Variants in PDE4B observed in about 807,000 individuals in gnomAD.
PDE4B encodes phosphodiesterase 4B.
A neutral mutation model predicts 82.2 loss-of-function variants in PDE4B; 20 were observed. The ratio of observed to expected loss-of-function variants is 0.24; its 90% CI spans 0.17 to 0.35. The LOEUF (loss-of-function observed/expected upper bound fraction) is 0.35, where lower values mean the gene tolerates loss of function less well. Among genes scored for constraint, PDE4B ranks in the 10% least tolerant of loss-of-function variants. The probability of loss-of-function intolerance (pLI) is 1.00; values close to 1 mark genes in which losing one functional copy is unlikely to be tolerated. For missense variants in PDE4B, 655 were observed against 907.2 expected (o/e 0.72, Z 3.57); for synonymous variants, 320 against 318.9 (o/e 1.00, Z -0.04).
At chr1:66,316,823 A>T (rs921774785) in intron 7 of PDE4B, among the ~76,000 whole-genome samples, 1 of 152,240 alleles carries the variant, frequency 6.6e-6, no homozygotes, top group African/African-American at 2.4e-5. Context: ...AGAGGGAGAA[A>T]TGCCAAGAAA....
At chr1:66,190,460 C>G (rs1483647899) in intron 3 of PDE4B, among the ~76,000 whole-genome samples, 1 of 152,212 alleles carries the variant, frequency 6.6e-6, no homozygotes. Context: ...GGCAGGCCTC[C>G]TTGAGCTGTG....
At position 65,840,629 on chromosome 1, in the gene PDE4B, A is replaced by G. The variant is rs139698596; in HGVS notation, c.-71+47381A>G. On this transcript the variant is annotated intron_variant, in intron 1 of 16. Coordinates refer to ENST00000341517, the MANE Select transcript of PDE4B (RefSeq NM_002600.4). ...TGCGAGCTATTTAAGGGCATGAGCCATCTCTTATGTTATTTTGGTTAAATA... is the reference window on the plus strand; with the variant it reads ...TGCGAGCTATTTAAGGGCATGAGCCGTCTCTTATGTTATTTTGGTTAAATA... Among the ~76,000 whole-genome samples the G allele has an allele frequency of 3.6e-3, 544 of 152,316 alleles. 3 individuals carry two copies. Among genetic ancestry groups the G allele is most frequent in the African/African-American group, 0.013 (520 of 41,582 alleles).
At chr1:66,005,358 TG>T (rs1238957808) in intron 3 of PDE4B, among the ~76,000 whole-genome samples, 1 of 152,144 alleles carries the variant, frequency 6.6e-6, no homozygotes, top group Non-Finnish European at 1.5e-5. Flanking sequence ...AAGTGAAAGT[TG>T]CCTTTATTCA....
Position 66,080,719 on chromosome 1 carries a change from T to G in PDE4B, c.281+161884T>G, listed in dbSNP as rs1656678079. Among the ~76,000 whole-genome samples the G allele has an allele frequency of 5.9e-5, 9 of 152,118 alleles. No individual in the cohort carries two copies. In the South Asian group the frequency reaches 1.9e-3, roughly 31 times the overall value. On this transcript the variant is annotated intron_variant, in intron 3 of 16. Coordinates refer to ENST00000341517, the MANE Select transcript of PDE4B (RefSeq NM_002600.4). ...CTTATTAGAGTGTTGGAGATTTTTA[T>G]TTTGAAATATTAAATGTATTTTTCT...
Position 66,056,294 on chromosome 1 carries a change from C to T in PDE4B, c.281+137459C>T, listed in dbSNP as rs747495222. Among the ~76,000 whole-genome samples the T allele has an allele frequency of 4.3e-4, 65 of 152,114 alleles. 1 individual carries two copies. The highest frequency in any genetic ancestry group is 2.1e-3 in the South Asian group (10 of 4,816). On this transcript the variant is annotated intron_variant, in intron 3 of 16. Transcript: ENST00000341517. ...GGGGGTTGGAGGGAGAGAAAGGCAA[C>T]GAGAGAGAGATGTGTGTAAAATTGC...
At chr1:65,863,833 T>A (rs892135379) in intron 1 of PDE4B, among the ~76,000 whole-genome samples, 2 of 152,206 alleles carry the variant, frequency 1.3e-5, no homozygotes, top group African/African-American at 4.8e-5. Flanking sequence ...AACCCCTGCT[T>A]TTTTGGCTTT....
At chr1:66,269,370 A>G (rs1159508806) in intron 7 of PDE4B, among the ~76,000 whole-genome samples, 12 of 152,218 alleles carry the variant, frequency 7.9e-5, no homozygotes, top group Admixed American at 7.9e-4. Context: ...TTGAGGAGAA[A>G]GACGCAGTAA....
chr1:66,368,133 A>G, intron 15 of PDE4B, 68 bp downstream of exon 15: 3 of 1,537,522 alleles, frequency 2.0e-6, no homozygotes, highest in Admixed American at 3.6e-5. Flanking sequence ...AATTAGAAAA[A>G]GAAAACAAAG....
At position 66,138,133 on chromosome 1, in the gene PDE4B, T is replaced by A. The variant is rs556216058; in HGVS notation, c.282-109327T>A. Among the ~76,000 whole-genome samples the A allele has an allele frequency of 2.2e-4, 33 of 152,328 alleles. No individual in the cohort carries two copies. The South Asian group carries it at 6.6e-3, about 31-fold the overall frequency. On this transcript the variant is annotated intron_variant, in intron 3 of 16. Coordinates refer to ENST00000341517, the MANE Select transcript of PDE4B (RefSeq NM_002600.4). The stretch of plus-strand genomic sequence containing the variant: ...ATTACAATATACGTAGTTTCTACTC[T>A]CAAGGAACTTACCTTCTTTTGGGAA...
At chr1:65,815,852 T>G (rs1462493265) in intron 1 of PDE4B, among the ~76,000 whole-genome samples, 2 of 152,230 alleles carry the variant, frequency 1.3e-5, no homozygotes, top group Admixed American at 1.3e-4. Context: ...CATATTGCTA[T>G]ATAAGGAAGG....
intron 3 of PDE4B, among the ~76,000 whole-genome samples, chr1:66,046,659 A>T (rs1265146847): frequency 6.6e-6 from 1 of 151,900 alleles, no homozygotes. Flanking sequence ...TTTTAAACCA[A>T]GAAGACTCTG....
intron 3 of PDE4B, among the ~76,000 whole-genome samples, chr1:66,166,815 G>A (rs909051915): frequency 1.3e-5 from 2 of 151,470 alleles, no homozygotes; most frequent in Non-Finnish European, 2.9e-5. Flanking sequence ...TAAGGGACAT[G>A]TTTCTAGAAT....
chr1:66,006,772 C>T (rs1652172850), intron 3 of PDE4B, among the ~76,000 whole-genome samples: 1 of 152,080 alleles, frequency 6.6e-6, no homozygotes, highest in Non-Finnish European at 1.5e-5. Flanking sequence ...CTGCACTTTT[C>T]CTTCCTGCAA....
rs775238666 is a variant in PDE4B, at chr1:66,361,807, C to T, written c.1020+14C>T. The T allele has an allele frequency of 8.1e-6, 13 of 1,601,190 alleles. No individual in the cohort carries two copies. Among genetic ancestry groups the T allele is most frequent in the Non-Finnish European group, 1.0e-5 (12 of 1,172,280 alleles). On this transcript the variant is annotated intron_variant, in intron 10 of 16. Coordinates refer to ENST00000341517, the MANE Select transcript of PDE4B (RefSeq NM_002600.4). ...CACCTGGCCAAGGTGTGTATAAGCT[C>T]AGGTTTTGTGCATGTAGCTCTCTGC...
intron 1 of PDE4B, among the ~76,000 whole-genome samples, chr1:65,869,847 A>G (rs909780050): frequency 6.6e-6 from 1 of 151,768 alleles, no homozygotes; most frequent in African/African-American, 2.4e-5. Context: ...AGGAAAGATG[A>G]AATTTCAGTT....
intron 3 of PDE4B, among the ~76,000 whole-genome samples, chr1:66,179,128 G>A (rs1647006507): frequency 6.6e-6 from 1 of 152,160 alleles, no homozygotes; most frequent in South Asian, 2.1e-4. Context: ...CTGGATTACA[G>A]GCGTGAGCCA....
chr1:66,091,997 C>T (rs1047059903), intron 3 of PDE4B, among the ~76,000 whole-genome samples: 5 of 151,904 alleles, frequency 3.3e-5, no homozygotes, highest in East Asian at 3.9e-4. Context: ...TGTGCAACAT[C>T]GGCTATTCAT....
intron 3 of PDE4B, among the ~76,000 whole-genome samples, chr1:66,196,570 A>G (rs1648311889): frequency 6.6e-6 from 1 of 152,174 alleles, no homozygotes; most frequent in African/African-American, 2.4e-5. Flanking sequence ...TATTTTCTAG[A>G]TGAAGAACAT....
At chr1:65,921,901 A>T (rs755298138) in intron 3 of PDE4B, among the ~76,000 whole-genome samples, 2 of 152,200 alleles carry the variant, frequency 1.3e-5, no homozygotes, top group African/African-American at 2.4e-5. Flanking sequence ...TAAGTATGGG[A>T]CTGTGTGTTC....
Sources: allele counts gnomAD v4.1 joint callset (sites outside exome capture counted in the v4.1 genomes callset), GRCh38; gene constraint gnomAD v4.1.1; transcripts MANE v1.5; gene names NCBI Gene and HGNC (gene_info 2026-07-23, HGNC 2026-07-21).